CAMTA1: variants seen among roughly 807,000 people sequenced by gnomAD.
CAMTA1 encodes calmodulin binding transcription activator 1.
In CAMTA1, 27 loss-of-function variants were observed where a neutral mutation model predicts 170.9. The ratio of observed to expected loss-of-function variants is 0.16; its 90% CI spans 0.12 to 0.22. The LOEUF is 0.22. Ranked by LOEUF, CAMTA1 falls within the 10% of genes least tolerant of loss-of-function variation. The pLI is 1.00. For missense variants in CAMTA1, 1,619 were observed against 2,217.2 expected, an observed-to-expected ratio of 0.73 and a Z score of 5.42; for synonymous variants, 833 against 891.5, an observed-to-expected ratio of 0.93 and a Z score of 1.17.
intron 6 of CAMTA1, among the ~76,000 whole-genome samples, chr1:7,486,638 T>C (rs2093621647): frequency 6.6e-6 from 1 of 152,228 alleles, no homozygotes; most frequent in African/African-American, 2.4e-5. Context: ...GCTCAGCTCC[T>C]CCAGACCTAA....
At chr1:7,741,944 GTT>G (rs34289951) in intron 16 of CAMTA1, among the ~76,000 whole-genome samples, 427 of 137,182 alleles carry the variant, frequency 3.1e-3, no homozygotes, top group Non-Finnish European at 4.6e-3. Flanking sequence ...GCCTCGGGTT[GTT>G]TTTTTTTTTT....
intron 1 of CAMTA1, among the ~76,000 whole-genome samples, chr1:6,804,021 T>TA (rs993058653): frequency 1.5e-4 from 23 of 151,356 alleles, no homozygotes; most frequent in African/African-American, 4.1e-4. Context: ...CCTTCTCTAC[T>TA]AAAAAAAATA....
At chr1:7,631,318 C>T (rs2095667486) in intron 6 of CAMTA1, among the ~76,000 whole-genome samples, 1 of 152,186 alleles carries the variant, frequency 6.6e-6, no homozygotes, top group South Asian at 2.1e-4. Flanking sequence ...GTGCACAGCC[C>T]TCCCATGAAA....
intron 6 of CAMTA1, among the ~76,000 whole-genome samples, chr1:7,551,178 G>C (rs2094796599): frequency 6.6e-6 from 1 of 152,116 alleles, no homozygotes; most frequent in African/African-American, 2.4e-5. Context: ...GCCACCCTGG[G>C]GCTTCCCTGC....
At chr1:7,279,438 G>A (rs1159914977) in intron 5 of CAMTA1, among the ~76,000 whole-genome samples, 1 of 152,146 alleles carries the variant, frequency 6.6e-6, no homozygotes, top group East Asian at 1.9e-4. Flanking sequence ...GATGGCCCGG[G>A]TCTTGGAGCA....
At chr1:6,917,136 A>G (rs1004616474) in intron 3 of CAMTA1, among the ~76,000 whole-genome samples, 3 of 152,124 alleles carry the variant, frequency 2.0e-5, no homozygotes, top group African/African-American at 7.2e-5. Flanking sequence ...GCATCCAGGG[A>G]GAGAGTGGCA....
chr1:7,677,099 G>C (rs575948619), intron 10 of CAMTA1, among the ~76,000 whole-genome samples: 1 of 152,142 alleles, frequency 6.6e-6, no homozygotes, highest in Non-Finnish European at 1.5e-5. Context: ...CTCCTTCATC[G>C]GGGAAGCAGA....
intron 3 of CAMTA1, among the ~76,000 whole-genome samples, chr1:6,855,057 A>C (rs1661761673): frequency 6.6e-6 from 1 of 152,192 alleles, no homozygotes. Context: ...GGGAAGAATA[A>C]AACTGTGATT....
intron 5 of CAMTA1, among the ~76,000 whole-genome samples, chr1:7,253,477 C>A (rs946165044): frequency 6.6e-6 from 1 of 152,170 alleles, no homozygotes; most frequent in Non-Finnish European, 1.5e-5. Flanking sequence ...CAGCTCTGGG[C>A]TCTTGTCCTC....
rs202104919 is a variant in CAMTA1, at chr1:7,285,505, GT to G, written c.438+35881del. ...GTTCTCGCCAAACTATCTGAAGGGAGTTCCCAGTGCCTCGCCTGTCTCATGG... is the reference window on the plus strand; with the variant it reads ...GTTCTCGCCAAACTATCTGAAGGGAGTCCCAGTGCCTCGCCTGTCTCATGG... On this transcript the variant is annotated intron_variant, in intron 5 of 22. Transcript: ENST00000303635. 3.6e-3 allele frequency among the ~76,000 whole-genome samples: 541 copies of G among 152,326 alleles called. 8 individuals are homozygous for G. The highest frequency in any genetic ancestry group is 0.024 in the Admixed American group (368 of 15,304).
chr1:7,717,293 CATT>C (rs751922723), intron 11 of CAMTA1, among the ~76,000 whole-genome samples: 3 of 152,064 alleles, frequency 2.0e-5, no homozygotes, highest in Non-Finnish European at 4.4e-5. Context: ...ATAGCTGTGT[CATT>C]ATTTAATGAA....
intron 3 of CAMTA1, among the ~76,000 whole-genome samples, chr1:7,043,144 A>C (rs1368735819): frequency 6.6e-6 from 1 of 152,216 alleles, no homozygotes; most frequent in Non-Finnish European, 1.5e-5. Flanking sequence ...TTTGACTGCC[A>C]AGGCCGCTGG....
At chr1:7,108,949 G>A (rs1024811135) in intron 4 of CAMTA1, among the ~76,000 whole-genome samples, 33 of 152,154 alleles carry the variant, frequency 2.2e-4, no homozygotes, top group African/African-American at 8.0e-4. Flanking sequence ...CCACTCCCAA[G>A]CTCACTCATG....
chr1:7,666,217 C>T (rs991003013), intron 9 of CAMTA1, among the ~76,000 whole-genome samples: 1 of 151,686 alleles, frequency 6.6e-6, no homozygotes, highest in African/African-American at 2.4e-5. Context: ...CGTCTACATC[C>T]ACTGCCTTCA....
At chr1:7,296,342 C>G (rs192343210) in intron 5 of CAMTA1, among the ~76,000 whole-genome samples, 2 of 152,290 alleles carry the variant, frequency 1.3e-5, no homozygotes, top group African/African-American at 2.4e-5. Context: ...TGATCCCAAC[C>G]TGTTTGGCTC....
At chr1:6,818,680 C>T (rs1274210406) in intron 1 of CAMTA1, among the ~76,000 whole-genome samples, 2 of 152,086 alleles carry the variant, frequency 1.3e-5, no homozygotes, top group Non-Finnish European at 2.9e-5. Flanking sequence ...ACTCTGTCAT[C>T]CAGGCGGGAG....
intron 5 of CAMTA1, among the ~76,000 whole-genome samples, chr1:7,344,748 CT>C (rs70984076): frequency 1.2e-3 from 164 of 142,490 alleles, no homozygotes; most frequent in Admixed American, 4.4e-3. Flanking sequence ...CTGCTCAAGT[CT>C]TTTTTTTTTT....
At chr1:7,091,489 T>C in intron 4 of CAMTA1, 118 bp downstream of exon 4, 1 of 771,324 alleles carries the variant, frequency 1.3e-6, no homozygotes, top group Admixed American at 2.0e-5. Flanking sequence ...CATGTTGTGC[T>C]GGATGGCTTT....
At position 7,640,578 on chromosome 1, in the gene CAMTA1, G is replaced by A. The variant is rs764864925; in HGVS notation, c.664+25G>A. 30 of 1,613,594 alleles carry A rather than the reference G, an allele frequency of 1.9e-5. 1 individual carries two copies. The highest frequency in any genetic ancestry group is 8.8e-5 in the South Asian group (8 of 91,068). The stretch of plus-strand genomic sequence containing the variant: ...TGTGAGTGGCCTTGGCCGGCCTGGC[G>A]CCCCCACGCTGGGAACCAGGCTGGC... On this transcript the variant is annotated intron_variant, in intron 7 of 22. Transcript: ENST00000303635.
Sources: allele counts gnomAD v4.1 joint callset (sites outside exome capture counted in the v4.1 genomes callset), GRCh38; gene constraint gnomAD v4.1.1; transcripts MANE v1.5; gene names NCBI Gene and HGNC (gene_info 2026-07-23, HGNC 2026-07-21).